Variants in MCTP1 observed in about 807,000 individuals in gnomAD.
The protein encoded by MCTP1 is multiple C2 and transmembrane domain containing 1, also known as multiple C2 and transmembrane domain-containing protein 1.
MCTP1 carries 69 observed loss-of-function variants against 120.6 expected under a neutral mutation model. That is an observed-to-expected ratio of 0.57 (90% confidence interval 0.47 to 0.70). The LOEUF (loss-of-function observed/expected upper bound fraction) is 0.70, where lower values mean the gene tolerates loss of function less well. MCTP1 is among the 30% of genes least tolerant of loss of function. The pLI is 0.00. For missense variants in MCTP1, 1,203 were observed against 1,248.8 expected, an observed-to-expected ratio of 0.96 and a Z score of 0.55; for synonymous variants, 529 against 493.1, an observed-to-expected ratio of 1.07 and a Z score of -0.96.
chr5:95,244,437 G>A (rs1168422891), intron 1 of MCTP1, among the ~76,000 whole-genome samples: 8 of 152,184 alleles, frequency 5.3e-5, no homozygotes, highest in Admixed American at 2.0e-4. Context: ...AAGGGAAGCC[G>A]TGACAGACTG....
In MCTP1 at chr5:94,937,418, T is replaced by A. The variant is rs187540604; in HGVS notation, c.1173+2666A>T. Among the ~76,000 whole-genome samples, 155 of 152,104 alleles carry A rather than the reference T, an allele frequency of 1.0e-3. 2 individuals are homozygous for A. Among genetic ancestry groups the A allele is most frequent in the African/African-American group, 3.6e-3 (151 of 41,518 alleles). On this transcript the variant is annotated intron_variant, in intron 5 of 22. Coordinates refer to ENST00000515393, the MANE Select transcript of MCTP1 (RefSeq NM_024717.7). Reference sequence around the variant, plus strand: ...TTAAGGGTGAATGTGGCTGAAGAGATACGATGAAGAGAAAGGAAAAGGAGG... The same window carrying A: ...TTAAGGGTGAATGTGGCTGAAGAGAAACGATGAAGAGAAAGGAAAAGGAGG...
intron 1 of MCTP1, among the ~76,000 whole-genome samples, chr5:95,134,992 C>CAAAAAAAAAAAAA (rs70978170): frequency 2.8e-5 from 1 of 35,310 alleles, no homozygotes; most frequent in Non-Finnish European, 5.2e-5. Context: ...GCCTGATGGC[C>CAAAAAAAAAAAAA]AAAAAAAAAA....
chr5:94,913,763 G>A (rs886597264), intron 8 of MCTP1, among the ~76,000 whole-genome samples: 1 of 151,774 alleles, frequency 6.6e-6, no homozygotes, highest in East Asian at 1.9e-4. Flanking sequence ...GGAGTGCAGG[G>A]GTATGGTCAT....
chr5:94,807,978 A>G (rs1782695936), intron 17 of MCTP1, among the ~76,000 whole-genome samples: 1 of 152,242 alleles, frequency 6.6e-6, no homozygotes, highest in Non-Finnish European at 1.5e-5. Context: ...AGAGTAAGTC[A>G]GTAGCAGAGA....
intron 18 of MCTP1, among the ~76,000 whole-genome samples, chr5:94,788,148 C>T (rs255352): frequency 1.3e-5 from 2 of 152,290 alleles, no homozygotes; most frequent in East Asian, 3.9e-4. Context: ...GTTTAAGCAA[C>T]GCTACCAGAA....
At chr5:95,071,046 A>G (rs557028680) in intron 1 of MCTP1, among the ~76,000 whole-genome samples, 1 of 152,328 alleles carries the variant, frequency 6.6e-6, no homozygotes, top group East Asian at 1.9e-4. Context: ...GGACTGGAAC[A>G]AAGGGGAAGC....
intron 1 of MCTP1, among the ~76,000 whole-genome samples, chr5:95,253,040 T>A (rs1238296062): frequency 6.6e-6 from 1 of 152,144 alleles, no homozygotes; most frequent in Admixed American, 6.6e-5. Context: ...TCTAAAACTG[T>A]CTGTTGCCAT....
chr5:95,086,031 C>T (rs576834622), intron 1 of MCTP1, among the ~76,000 whole-genome samples: 1 of 151,528 alleles, frequency 6.6e-6, no homozygotes, highest in East Asian at 1.9e-4. Context: ...TTATAATGTC[C>T]TTTGCTGTTT....
At chr5:94,790,756 G>T (rs976297098) in intron 18 of MCTP1, among the ~76,000 whole-genome samples, 3 of 152,148 alleles carry the variant, frequency 2.0e-5, no homozygotes, top group Non-Finnish European at 4.4e-5. Flanking sequence ...GAGTGTCAGG[G>T]ATGGTGCTCC....
At chr5:95,049,657 A>G (rs1745403118) in intron 1 of MCTP1, among the ~76,000 whole-genome samples, 1 of 152,212 alleles carries the variant, frequency 6.6e-6, no homozygotes, top group African/African-American at 2.4e-5. Context: ...TTAGCCCTCT[A>G]TATAGTTTGA....
intron 1 of MCTP1, among the ~76,000 whole-genome samples, chr5:95,198,617 T>A (rs1158549812): frequency 6.6e-6 from 1 of 152,160 alleles, no homozygotes; most frequent in African/African-American, 2.4e-5. Context: ...TCCCATTGTA[T>A]AATAGCCTAT....
chr5:95,239,836 T>C (rs1384702202), intron 1 of MCTP1, among the ~76,000 whole-genome samples: 1 of 152,194 alleles, frequency 6.6e-6, no homozygotes, highest in Non-Finnish European at 1.5e-5. Context: ...ACTGTATCTC[T>C]CTCCTCACAC....
intron 12 of MCTP1, among the ~76,000 whole-genome samples, chr5:94,879,105 T>C (rs998431947): frequency 1.3e-5 from 2 of 151,882 alleles, no homozygotes; most frequent in Non-Finnish European, 2.9e-5. Context: ...GGGTGTGCAA[T>C]GGGAAGGTTA....
At chr5:95,121,277 CAAAAAA>C (rs34423597) in intron 1 of MCTP1, among the ~76,000 whole-genome samples, 2 of 35,066 alleles carry the variant, frequency 5.7e-5, no homozygotes, top group East Asian at 1.2e-3. Flanking sequence ...GACTCCATCA[CAAAAAA>C]AAAAAAAAAA....
intron 2 of MCTP1, among the ~76,000 whole-genome samples, chr5:94,993,413 T>C (rs1401292850): frequency 1.3e-5 from 2 of 152,222 alleles, no homozygotes; most frequent in Non-Finnish European, 2.9e-5. Flanking sequence ...GAACTCATGC[T>C]GTAAAGATAA....
chr5:94,724,415 T>A (rs1390337932), intron 19 of MCTP1, among the ~76,000 whole-genome samples: 1 of 4,670 alleles, frequency 2.1e-4, no homozygotes, highest in Non-Finnish European at 4.4e-4. Context: ...CTGGCTAATT[T>A]TTTTTTTTTT....
intron 8 of MCTP1, among the ~76,000 whole-genome samples, chr5:94,916,319 A>G (rs1159808475): frequency 6.6e-6 from 1 of 152,190 alleles, no homozygotes; most frequent in South Asian, 2.1e-4. Context: ...ATTTCTGGCT[A>G]TATGCTTGGG....
intron 1 of MCTP1, among the ~76,000 whole-genome samples, chr5:95,099,248 C>T (rs1419465113): frequency 1.3e-5 from 2 of 152,108 alleles, no homozygotes; most frequent in Non-Finnish European, 2.9e-5. Context: ...AAAGCAATGG[C>T]AACAAAAGAC....
chr5:94,752,736 A>T (rs1768803083), intron 19 of MCTP1, among the ~76,000 whole-genome samples: 1 of 152,252 alleles, frequency 6.6e-6, no homozygotes, highest in South Asian at 2.1e-4. Context: ...AAAACATCCA[A>T]GGAAACAAAA....
Sources: allele counts gnomAD v4.1 joint callset (sites outside exome capture counted in the v4.1 genomes callset), GRCh38; gene constraint gnomAD v4.1.1; transcripts MANE v1.5; gene names NCBI Gene and HGNC (gene_info 2026-07-23, HGNC 2026-07-21).